The following CACNA2D1 variants were observed in gnomAD, a reference collection of about 807,000 sequenced individuals.
CACNA2D1 encodes calcium voltage-gated channel auxiliary subunit alpha2delta 1, also known as voltage-dependent calcium channel subunit alpha-2/delta-1.
In CACNA2D1, 53 loss-of-function variants were observed where a neutral mutation model predicts 171.5. The observed-to-expected ratio is 0.31, with a 90% CI of 0.25 to 0.39. The LOEUF is 0.39. Ranked by LOEUF, CACNA2D1 falls within the 10% of genes least tolerant of loss-of-function variation. CACNA2D1 has a pLI of 1.00. For missense variants in CACNA2D1, 903 were observed against 1,299.8 expected (o/e 0.69, Z 4.69); for synonymous variants, 442 against 443.1 (o/e 1.00, Z 0.03).
chr7:82,252,437 T>C (rs1805756969), intron 3 of CACNA2D1, among the ~76,000 whole-genome samples: 2 of 152,198 alleles, frequency 1.3e-5, no homozygotes, highest in Non-Finnish European at 2.9e-5. Context: ...TAATTAAACA[T>C]GCATTGGCTC....
At chr7:82,406,592 G>T (rs1026409546) in intron 1 of CACNA2D1, among the ~76,000 whole-genome samples, 3 of 152,176 alleles carry the variant, frequency 2.0e-5, no homozygotes, top group African/African-American at 7.2e-5. Context: ...ATTCTAACTG[G>T]TGTGAGATGG....
intron 6 of CACNA2D1, among the ~76,000 whole-genome samples, chr7:82,102,612 A>C (rs1445540453): frequency 6.6e-6 from 1 of 152,108 alleles, no homozygotes; most frequent in South Asian, 2.1e-4. Flanking sequence ...TCAGGTGTGG[A>C]AAGTGGGGCA....
intron 18 of CACNA2D1, among the ~76,000 whole-genome samples, chr7:81,998,883 T>C (rs565963526): frequency 2.6e-5 from 4 of 152,190 alleles, no homozygotes; most frequent in African/African-American, 7.2e-5. Context: ...AAATGAAACC[T>C]AGAAAACCCC....
At chr7:81,965,271 T>C (rs559673928) in intron 32 of CACNA2D1, among the ~76,000 whole-genome samples, 4 of 152,082 alleles carry the variant, frequency 2.6e-5, no homozygotes, top group South Asian at 2.1e-4. Flanking sequence ...TAACAAGCTA[T>C]ATATTAAATT....
At chr7:82,389,642 T>C (rs1194152343) in intron 1 of CACNA2D1, among the ~76,000 whole-genome samples, 1 of 152,172 alleles carries the variant, frequency 6.6e-6, no homozygotes, top group Non-Finnish European at 1.5e-5. Flanking sequence ...TGCCTCATTC[T>C]TACTTGATGT....
At chr7:82,294,917 G>A (rs917869794) in intron 3 of CACNA2D1, among the ~76,000 whole-genome samples, 1 of 152,090 alleles carries the variant, frequency 6.6e-6, no homozygotes, top group Non-Finnish European at 1.5e-5. Flanking sequence ...AAAAAAGAAA[G>A]TTAAATCAGT....
At chr7:82,092,422 A>T (rs1811283279) in intron 6 of CACNA2D1, among the ~76,000 whole-genome samples, 1 of 151,388 alleles carries the variant, frequency 6.6e-6, no homozygotes, top group Non-Finnish European at 1.5e-5. Flanking sequence ...CCCAGGCTGG[A>T]GTGCGGTGGC....
intron 6 of CACNA2D1, 146 bp downstream of exon 6, chr7:82,116,898 T>G (rs1789112404): frequency 1.1e-6 from 1 of 883,570 alleles, no homozygotes; most frequent in Non-Finnish European, 1.9e-6. Flanking sequence ...GATTGATTCT[T>G]TCACATAAAT....
Position 82,013,459 on chromosome 7 carries a change from A to G in CACNA2D1, c.1272+2T>C. ...ATTTAAACAAGTTTTAAATAATCAT[A>G]CCTGAGTATTGATTCTTATTGCACC... is the stretch of plus-strand genomic sequence containing the variant. On this transcript the variant is annotated splice_donor_variant, in intron 14 of 38. Transcript: ENST00000356860. LOFTEE classifies it high-confidence loss of function. 9.1e-7 allele frequency: 1 copy of G among 1,102,962 alleles called. No individual in the cohort carries two copies. Among genetic ancestry groups the G allele is most frequent in the Non-Finnish European group, 1.3e-6 (1 of 793,386 alleles). The allele number at this position is 1,102,962 out of a possible 1,614,324, so 68.3% of individuals were successfully genotyped here.
chr7:82,393,101 GGCAGGC>G (rs1563483401), intron 1 of CACNA2D1, among the ~76,000 whole-genome samples: 6 of 142,892 alleles, frequency 4.2e-5, no homozygotes, highest in African/African-American at 1.7e-4. Flanking sequence ...CAGGCAGGCA[GGCAGGC>G]AGGCAGGGAG....
intron 3 of CACNA2D1, among the ~76,000 whole-genome samples, chr7:82,190,050 T>A (rs558815209): frequency 6.6e-6 from 1 of 152,032 alleles, no homozygotes; most frequent in African/African-American, 2.4e-5. Flanking sequence ...ACAATTCTGT[T>A]ATGAAGTTTG....
At chr7:82,189,010 C>A (rs1798034111) in intron 3 of CACNA2D1, among the ~76,000 whole-genome samples, 1 of 151,874 alleles carries the variant, frequency 6.6e-6, no homozygotes, top group African/African-American at 2.4e-5. Flanking sequence ...GACACTGGGA[C>A]CTACTTGAGT....
intron 1 of CACNA2D1, among the ~76,000 whole-genome samples, chr7:82,388,062 C>CAAAA (rs772179078): frequency 6.3e-5 from 5 of 79,222 alleles, no homozygotes; most frequent in African/African-American, 2.1e-4. Context: ...ACCCTGTCTC[C>CAAAA]AAAAAAAAAA....
At chr7:82,285,202 C>T (rs1291588521) in intron 3 of CACNA2D1, among the ~76,000 whole-genome samples, 3 of 152,112 alleles carry the variant, frequency 2.0e-5, no homozygotes, top group Non-Finnish European at 4.4e-5. Context: ...CCATAAGCTT[C>T]CAGATGGCTT....
intron 3 of CACNA2D1, among the ~76,000 whole-genome samples, chr7:82,213,789 C>G (rs548170590): frequency 3.3e-5 from 5 of 152,056 alleles, no homozygotes; most frequent in Non-Finnish European, 7.4e-5. Context: ...TTTTTTTAGC[C>G]TCAAAATATC....
intron 3 of CACNA2D1, among the ~76,000 whole-genome samples, chr7:82,256,674 T>C (rs538588182): frequency 2.6e-4 from 39 of 152,216 alleles, no homozygotes; most frequent in Non-Finnish European, 4.1e-4. Flanking sequence ...GACTTTATTG[T>C]CTTATTTAGA....
chr7:82,185,115 T>C (rs1464409661), intron 3 of CACNA2D1, among the ~76,000 whole-genome samples: 3 of 152,194 alleles, frequency 2.0e-5, no homozygotes, highest in African/African-American at 7.2e-5. Flanking sequence ...AGACAAACTA[T>C]GAATAGGAGT....
chr7:82,185,460 C>A, intron 3 of CACNA2D1, among the ~76,000 whole-genome samples: 2 of 98,074 alleles, frequency 2.0e-5, no homozygotes, highest in Admixed American at 1.1e-4. Flanking sequence ...AAGGGTCAGA[C>A]AAAAAAGAGA....
chr7:82,191,322 T>C (rs951092197), intron 3 of CACNA2D1, among the ~76,000 whole-genome samples: 1 of 151,842 alleles, frequency 6.6e-6, no homozygotes, highest in Admixed American at 6.6e-5. Flanking sequence ...ATAATTTATT[T>C]CCAGTCTGGG....
Sources: gnomAD v4.1 joint callset for allele counts (sites outside exome capture counted in the v4.1 genomes callset) on GRCh38, gnomAD v4.1.1 for gene constraint, MANE v1.5 for transcripts, NCBI Gene and HGNC (gene_info 2026-07-23, HGNC 2026-07-21) for gene names.